The following MGST1 variants were observed in gnomAD, a reference collection of about 807,000 sequenced individuals.
MGST1 encodes the protein microsomal glutathione S-transferase 1.
In MGST1, 5 loss-of-function variants were observed where a neutral mutation model predicts 8.9. The ratio of observed to expected loss-of-function variants is 0.56; its 90% CI spans 0.29 to 1.19. The LOEUF (loss-of-function observed/expected upper bound fraction) is 1.19. MGST1 is among the 50% of genes most tolerant of loss of function. The pLI, the probability that MGST1 is intolerant of heterozygous loss-of-function variation, is 0.08. For synonymous variants in MGST1, 54 were observed against 67.8 expected (o/e 0.80, Z 1.00); for missense variants, 182 against 187.4 (o/e 0.97, Z 0.17).
chr12:16,585,376 A>G lies in MGST1; in HGVS notation n.483-4152A>G, dbSNP rs1301295842. 6.6e-6 allele frequency among the ~76,000 whole-genome samples: 1 copy of G among 152,208 alleles called. No homozygotes were observed. Among genetic ancestry groups the G allele is most frequent in the Admixed American group, 6.5e-5 (1 of 15,282 alleles). On this transcript the variant is annotated intron_variant and non_coding_transcript_variant, in intron 4 of 4. Transcript: ENST00000538857. The surrounding 1 kb of genome is among the most constrained non-coding windows in gnomAD (Gnocchi z 4.7). ...TGGATTAACTTTATGTTAAACAATC[A>G]CTTGGCCACAAAGATTAATATTAAC...
chr12:16,569,989 A>G (rs1942758995), intron 4 of MGST1, among the ~76,000 whole-genome samples: 1 of 152,186 alleles, frequency 6.6e-6, no homozygotes, highest in African/African-American at 2.4e-5. Context: ...TTATACGAGC[A>G]TAAAAATCTA....
intron 4 of MGST1, among the ~76,000 whole-genome samples, chr12:16,540,073 C>G (rs749798720): frequency 6.6e-5 from 10 of 152,170 alleles, no homozygotes; most frequent in Admixed American, 1.3e-4. Flanking sequence ...AGCTGACACT[C>G]TTAAAGTTGA....
chr12:16,384,961 G>A (rs1940491838), intron 1 of MGST1, among the ~76,000 whole-genome samples: 1 of 152,224 alleles, frequency 6.6e-6, no homozygotes, highest in African/African-American at 2.4e-5. Context: ...GAGACTATAG[G>A]TGGAGTTGTA....
chr12:16,455,205 C>T (rs1253017727), intron 4 of MGST1, among the ~76,000 whole-genome samples: 1 of 151,806 alleles, frequency 6.6e-6, no homozygotes, highest in Admixed American at 6.6e-5. Context: ...AAATAATAGC[C>T]AACATTAATT....
intron 3 of MGST1, among the ~76,000 whole-genome samples, chr12:16,373,904 A>G (rs1331428747): frequency 6.6e-6 from 1 of 152,164 alleles, no homozygotes; most frequent in East Asian, 1.9e-4. Context: ...GTCTTCTATG[A>G]AAACATAGCT....
chr12:16,378,189 G>A (rs985932468), downstream of MGST1, among the ~76,000 whole-genome samples: 1 of 152,136 alleles, frequency 6.6e-6, no homozygotes, highest in African/African-American at 2.4e-5. Context: ...TGTTGCCATT[G>A]CTTTTTGTGT....
At chr12:16,402,845 C>T (rs765031108) in intron 1 of MGST1, among the ~76,000 whole-genome samples, 40 of 150,926 alleles carry the variant, frequency 2.7e-4, no homozygotes, top group Non-Finnish European at 3.5e-4. Flanking sequence ...CACTGTTTGC[C>T]GCATTATGTC....
intron 1 of MGST1, among the ~76,000 whole-genome samples, chr12:16,415,119 T>C (rs962152054): frequency 6.6e-6 from 1 of 152,202 alleles, no homozygotes; most frequent in African/African-American, 2.4e-5. Flanking sequence ...AAGCCACATT[T>C]GCATTTCATA....
chr12:16,420,023 G>T (rs1940820598), intron 1 of MGST1, among the ~76,000 whole-genome samples: 1 of 152,304 alleles, frequency 6.6e-6, no homozygotes. Context: ...TTTGATTCTA[G>T]TGTGAGGAAA....
rs766406866 is a variant in MGST1, at chr12:16,560,764, A to G, written n.483-28764A>G. ...TCTTGTTTGAGAAGAAAAGGAAAAGACAAATACATTAGGAAGCTTACGTAA... is the reference window on the plus strand; with the variant it reads ...TCTTGTTTGAGAAGAAAAGGAAAAGGCAAATACATTAGGAAGCTTACGTAA... On this transcript the variant is annotated intron_variant and non_coding_transcript_variant, in intron 4 of 4. Coordinates refer to the MGST1 transcript ENST00000538857. The surrounding 1 kb of genome is among the most constrained non-coding windows in gnomAD (Gnocchi z 5.0). The G allele has an allele frequency of 5.3e-6, 3 of 566,140 alleles. No individual in the cohort carries two copies. Among genetic ancestry groups the G allele is most frequent in the East Asian group, 3.8e-5 (1 of 26,666 alleles). 35.1% of individuals were successfully genotyped at this position (566,140 alleles called of 1,614,324 possible). A position where few individuals can be genotyped will look rare whatever the true frequency, so the allele number is the denominator to read the frequency against.
At chr12:16,416,111 A>G (rs1463857207) in intron 1 of MGST1, among the ~76,000 whole-genome samples, 1 of 152,170 alleles carries the variant, frequency 6.6e-6, no homozygotes, top group East Asian at 1.9e-4. Flanking sequence ...GGTTCTTTAA[A>G]TATTCAATGT....
chr12:16,486,206 G>C (rs1431283740), intron 4 of MGST1, among the ~76,000 whole-genome samples: 1 of 152,140 alleles, frequency 6.6e-6, no homozygotes, highest in African/African-American at 2.4e-5. Context: ...CCATTGGATA[G>C]ATCACATTTA....
At chr12:16,514,401 C>T (rs759704337) in intron 4 of MGST1, 3 of 280,394 alleles carry the variant, frequency 1.1e-5, no homozygotes, top group South Asian at 3.6e-5. Context: ...ACAATGGTTG[C>T]AAGAAGTGAA....
At chr12:16,354,929 C>CTTTTT (rs10679908) in intron 2 of MGST1, among the ~76,000 whole-genome samples, 1 of 146,780 alleles carries the variant, frequency 6.8e-6, no homozygotes, top group Non-Finnish European at 1.5e-5. Flanking sequence ...ATAAGAATGA[C>CTTTTT]TTTTTTTTTT....
intron 4 of MGST1, among the ~76,000 whole-genome samples, chr12:16,538,608 CTTT>C (rs35801123): frequency 9.4e-5 from 12 of 128,210 alleles, no homozygotes; most frequent in Admixed American, 7.6e-5. Context: ...AAAGGCACTT[CTTT>C]TTTTTTTTTT....
intron 4 of MGST1, among the ~76,000 whole-genome samples, chr12:16,499,461 G>A (rs1470489756): frequency 6.6e-6 from 1 of 152,038 alleles, no homozygotes; most frequent in Non-Finnish European, 1.5e-5. Flanking sequence ...TTGTTTCCCT[G>A]TTTTTTGTAG....
chr12:16,561,281 T>C (rs1480595045), intron 4 of MGST1, among the ~76,000 whole-genome samples: 1 of 152,202 alleles, frequency 6.6e-6, no homozygotes, highest in Non-Finnish European at 1.5e-5. Context: ...TTTCATAACG[T>C]GAGGAAATAT....
rs1940734131 is a variant in MGST1 at position 16,410,614 on chromosome 12, A to G, written n.779-26774A>G. Among the ~76,000 whole-genome samples, 1 of 148,294 alleles carries G rather than the reference A, an allele frequency of 6.7e-6. No individual in the cohort carries two copies. The highest frequency in any genetic ancestry group is 2.4e-5 in the African/African-American group (1 of 40,862). On this transcript the variant is annotated intron_variant and non_coding_transcript_variant, in intron 1 of 1. Coordinates refer to the MGST1 transcript ENST00000359720. This position sits in a 1 kb window ranked among gnomAD's most constrained non-coding sequence, Gnocchi z 4.4. ...ACATATTAATGTTTATATATTACAT[A>G]TAAATATTAATATATGTATATGTAA...
At chr12:16,411,627 G>T (rs1291516114) in intron 1 of MGST1, among the ~76,000 whole-genome samples, 1 of 152,136 alleles carries the variant, frequency 6.6e-6, no homozygotes, top group Non-Finnish European at 1.5e-5. Flanking sequence ...TGGGGCTTCA[G>T]ATCCTGTAAA....
Sources: allele counts gnomAD v4.1 joint callset (sites outside exome capture counted in the v4.1 genomes callset), GRCh38; gene constraint gnomAD v4.1.1; non-coding constraint Gnocchi (gnomAD v3.1); transcripts MANE v1.5; gene names NCBI Gene and HGNC (gene_info 2026-07-23, HGNC 2026-07-21).